DNAH9: variants seen among roughly 807,000 people sequenced by gnomAD.
DNAH9 encodes dynein axonemal heavy chain 9.
Under a neutral mutation model 471.6 loss-of-function variants are expected in DNAH9, and 345 were observed. The ratio of observed to expected loss-of-function variants is 0.73; its 90% confidence interval spans 0.67 to 0.80. The LOEUF (loss-of-function observed/expected upper bound fraction) is 0.80, where lower values mean the gene tolerates loss of function less well. DNAH9 is among the 30% of genes least tolerant of loss of function. The probability of loss-of-function intolerance (pLI) is 0.00; values close to 1 mark genes in which losing one functional copy is unlikely to be tolerated. For missense variants in DNAH9, 5,407 were observed against 5,609.2 expected, an observed-to-expected ratio of 0.96 and a Z score of 1.15; for synonymous variants, 2,093 against 2,123.6, an observed-to-expected ratio of 0.99 and a Z score of 0.40.
In DNAH9 at chr17:11,603,875, C is replaced by T. The variant is rs367548661; in HGVS notation, c.418-4254C>T. Among the ~76,000 whole-genome samples the T allele has an allele frequency of 1.2e-3, 177 of 152,232 alleles. 2 individuals carry two copies. Among genetic ancestry groups the T allele is most frequent in the African/African-American group, 4.0e-3 (166 of 41,538 alleles). ...GAACGGCCCTGAATCAGTCCTCGTT[C>T]GGCTTGACCTGAGAGCAGCGTTTGT... On this transcript the variant is annotated intron_variant, in intron 1 of 68. Coordinates refer to ENST00000262442, the MANE Select transcript of DNAH9 (RefSeq NM_001372.4).
At chr17:11,704,876 G>T in intron 25 of DNAH9, 149 bp from the exon 26 acceptor site, 2 of 699,340 alleles carry the variant, frequency 2.9e-6, no homozygotes, top group Non-Finnish European at 5.0e-6. Flanking sequence ...AATCAGAGCA[G>T]CTTGTGCTTT....
At chr17:11,707,721 T>G (rs970025306) in intron 26 of DNAH9, among the ~76,000 whole-genome samples, 6 of 151,640 alleles carry the variant, frequency 4.0e-5, no homozygotes, top group Non-Finnish European at 7.4e-5. Context: ...TGAGACTTGG[T>G]AGTCCCCATC....
chr17:11,809,074 G>A (rs1969793771), intron 44 of DNAH9, among the ~76,000 whole-genome samples: 1 of 152,180 alleles, frequency 6.6e-6, no homozygotes, highest in Admixed American at 6.5e-5. Flanking sequence ...GGCTGAGCTT[G>A]GGGAGGTTGA....
rs557163743 is a variant in DNAH9 at position 11,690,861 on chromosome 17, C to G, written c.4614+425C>G. Among the ~76,000 whole-genome samples the G allele has an allele frequency of 4.6e-5, 7 of 152,222 alleles. No homozygotes were observed. The East Asian group carries it at 1.4e-3, about 29-fold the overall frequency. On this transcript the variant is annotated intron_variant, in intron 20 of 68. Coordinates refer to ENST00000262442, the MANE Select transcript of DNAH9 (RefSeq NM_001372.4). ...CTCAGCAGCATGCCATTCTATAAAC[C>G]GCTGACCTGTGCCAGCGCTCCAACT...
chr17:11,844,288 T>C (rs1469426519), intron 49 of DNAH9, among the ~76,000 whole-genome samples: 2 of 152,166 alleles, frequency 1.3e-5, no homozygotes, highest in Non-Finnish European at 2.9e-5. Context: ...AAATAGAAGT[T>C]TAATAATTTA....
At chr17:11,858,281 T>A (rs1971698755) in intron 50 of DNAH9, among the ~76,000 whole-genome samples, 1 of 152,208 alleles carries the variant, frequency 6.6e-6, no homozygotes. Context: ...CCCTTTTAAT[T>A]CGTATATCTG....
intron 50 of DNAH9, 97 bp from the exon 51 acceptor site, chr17:11,869,037 T>G: frequency 6.9e-7 from 1 of 1,451,574 alleles, no homozygotes; most frequent in Non-Finnish European, 9.3e-7. Flanking sequence ...GCAGAGTGCT[T>G]CCTTCAGAAC....
Position 11,636,650 on chromosome 17 carries a change from G to A in DNAH9, c.1652G>A (p.Gly551Glu), listed in dbSNP as rs1393871945. 1.2e-6 allele frequency: 2 copies of A among 1,613,884 alleles called. No homozygotes were observed. The highest frequency in any genetic ancestry group is 1.7e-6 in the Non-Finnish European group (2 of 1,179,840). Reference sequence around the variant, plus strand: ...TCCCTACAGCTGCTAGACATAGCAGGAAACCTCCTTGAAAGACCGCTGGTA... The same window carrying A: ...TCCCTACAGCTGCTAGACATAGCAGAAAACCTCCTTGAAAGACCGCTGGTA... The part of the protein sequence containing the change: ...EHAFKLLDIA[G>E]NLLERPLVAR... The change falls in exon 9 of 69, where the codon GGA (glycine) becomes GAA (glutamate). Residue 551 changes from glycine (G) to glutamate (E), a missense_variant. Transcript: ENST00000262442.
intron 35 of DNAH9, among the ~76,000 whole-genome samples, chr17:11,762,758 G>GTTTTTTTTGTTGTTTTT (rs1967733702): frequency 2.1e-5 from 2 of 94,776 alleles, no homozygotes; most frequent in African/African-American, 3.8e-5. Context: ...CTTTAGGTGC[G>GTTTTTTTTGTTGTTTTT]TTTTTTTTTT....
intron 49 of DNAH9, among the ~76,000 whole-genome samples, chr17:11,843,863 G>GTGTGTGTGTATATA (rs1253794533): frequency 2.6e-4 from 12 of 46,462 alleles, no homozygotes; most frequent in South Asian, 6.9e-4. Flanking sequence ...GTGTGTGTGT[G>GTGTGTGTGTATATA]TATATATATA....
intron 38 of DNAH9, among the ~76,000 whole-genome samples, chr17:11,774,445 C>T (rs981264371): frequency 2.4e-4 from 37 of 152,108 alleles, no homozygotes; most frequent in African/African-American, 8.2e-4. Context: ...TTCCATATGA[C>T]TGGGGAAGCC....
At chr17:11,832,078 G>A (rs1203822392) in intron 48 of DNAH9, among the ~76,000 whole-genome samples, 1 of 152,214 alleles carries the variant, frequency 6.6e-6, no homozygotes, top group Non-Finnish European at 1.5e-5. Context: ...TAGCTGGGAT[G>A]TTTTAAATAA....
intron 38 of DNAH9, 80 bp downstream of exon 38, chr17:11,769,409 G>C: frequency 7.6e-7 from 1 of 1,322,158 alleles, no homozygotes; most frequent in Non-Finnish European, 1.0e-6. Context: ...CAAGCGTCAG[G>C]TGCCTGCCTG....
chr17:11,809,515 C>T (rs1020935003), intron 44 of DNAH9, among the ~76,000 whole-genome samples: 5 of 151,802 alleles, frequency 3.3e-5, no homozygotes, highest in African/African-American at 4.8e-5. Flanking sequence ...TGCAGTGAGC[C>T]GAGATGGTGC....
chr17:11,599,079 C>G (rs1028017352), intron 1 of DNAH9, among the ~76,000 whole-genome samples, 164 bp downstream of exon 1: 2 of 151,772 alleles, frequency 1.3e-5, no homozygotes, highest in Non-Finnish European at 2.9e-5. Flanking sequence ...GGAGCACAAC[C>G]AGGAGGGAAG....
intron 20 of DNAH9, among the ~76,000 whole-genome samples, chr17:11,691,953 G>A (rs2074339312): frequency 6.6e-6 from 1 of 152,090 alleles, no homozygotes; most frequent in Non-Finnish European, 1.5e-5. Context: ...ACAGATGAGT[G>A]CCACCACGCC....
At chr17:11,885,779 T>C (rs1240087905) in intron 56 of DNAH9, among the ~76,000 whole-genome samples, 1 of 152,188 alleles carries the variant, frequency 6.6e-6, no homozygotes, top group African/African-American at 2.4e-5. Context: ...TTTAGTTTTG[T>C]TTTGTTTTGG....
chr17:11,718,235 TCGTC>T (rs1430255969), intron 26 of DNAH9, among the ~76,000 whole-genome samples: 8 of 152,252 alleles, frequency 5.3e-5, no homozygotes, highest in African/African-American at 1.9e-4. Flanking sequence ...TTTTTGAGGT[TCGTC>T]CATCCTGTAG....
At chr17:11,675,167 A>T (rs1383878818) in intron 17 of DNAH9, among the ~76,000 whole-genome samples, 1 of 152,048 alleles carries the variant, frequency 6.6e-6, no homozygotes, top group African/African-American at 2.4e-5. Context: ...GTCTTTAAAA[A>T]TTTTGCATAT....
Sources: gnomAD v4.1 joint callset for allele counts (sites outside exome capture counted in the v4.1 genomes callset) on GRCh38, gnomAD v4.1.1 for gene constraint, MANE v1.5 for transcripts, NCBI Gene and HGNC (gene_info 2026-07-23, HGNC 2026-07-21) for gene names.